Variants in PCDH15 observed in about 807,000 individuals in gnomAD.
PCDH15 encodes protocadherin-15.
In PCDH15, 129 loss-of-function variants were observed where a neutral mutation model predicts 178.5. The ratio of observed to expected loss-of-function variants is 0.72; its 90% CI spans 0.63 to 0.84. The LOEUF (loss-of-function observed/expected upper bound fraction) is 0.84, where lower values mean the gene tolerates loss of function less well. Ranked by LOEUF, PCDH15 falls within the 40% of genes least tolerant of loss-of-function variation. PCDH15 has a pLI of 0.00. For synonymous variants in PCDH15, 800 were observed against 732.0 expected, an observed-to-expected ratio of 1.09 and a Z score of -1.50; for missense variants, 2,230 against 2,099.9, an observed-to-expected ratio of 1.06 and a Z score of -1.21.
At chr10:55,066,299 T>C (rs779677295) in intron 2 of PCDH15, among the ~76,000 whole-genome samples, 1 of 151,212 alleles carries the variant, frequency 6.6e-6, no homozygotes, top group Non-Finnish European at 1.5e-5. Context: ...CTTTTTTAAA[T>C]TAATTAATTT....
chr10:54,913,391 T>C (rs1339716267), intron 2 of PCDH15, among the ~76,000 whole-genome samples: 1 of 152,158 alleles, frequency 6.6e-6, no homozygotes, highest in African/African-American at 2.4e-5. Context: ...TCCATATGTG[T>C]GCAGAGGGCA....
rs202077848 is a variant in PCDH15, at chr10:55,580,660, G to A, written c.-156+46965C>T. ...TTACAGGCATGAGCCACAGCGCCCG[G>A]CCATTACGATGGCTTTTACCTGAAA... On this transcript the variant is annotated intron_variant, in intron 2 of 5. Transcript: ENST00000613346. 7.2e-5 allele frequency among the ~76,000 whole-genome samples: 11 copies of A among 152,280 alleles called. No individual in the cohort carries two copies. The East Asian group carries it at 2.1e-3, about 29-fold the overall frequency.
At chr10:53,869,144 C>T (rs2079653288) in intron 26 of PCDH15, among the ~76,000 whole-genome samples, 2 of 152,106 alleles carry the variant, frequency 1.3e-5, no homozygotes, top group African/African-American at 2.4e-5. Flanking sequence ...CTCAAACTAC[C>T]GGCTAATCAC....
chr10:54,896,637 G>A (rs1049436902), intron 3 of PCDH15, among the ~76,000 whole-genome samples: 1 of 151,948 alleles, frequency 6.6e-6, no homozygotes. Flanking sequence ...AAAATCCAGG[G>A]CCTTGAAGAT....
chr10:55,528,768 T>C (rs1841373604), intron 2 of PCDH15, among the ~76,000 whole-genome samples: 1 of 152,056 alleles, frequency 6.6e-6, no homozygotes, highest in South Asian at 2.1e-4. Context: ...GGTCAAATAG[T>C]ATTTCTAGTT....
intron 15 of PCDH15, among the ~76,000 whole-genome samples, chr10:54,114,240 C>T (rs1367204218): frequency 6.6e-6 from 1 of 152,086 alleles, no homozygotes; most frequent in Non-Finnish European, 1.5e-5. Context: ...CTGAATCCGC[C>T]ATTTCCTAGA....
At chr10:53,988,168 C>T (rs2134738639) in intron 21 of PCDH15, among the ~76,000 whole-genome samples, 1 of 152,248 alleles carries the variant, frequency 6.6e-6, no homozygotes. Context: ...ATCTAGGGTC[C>T]TTCTCACGGA....
chr10:54,189,045 T>C lies in PCDH15; in HGVS notation c.1306-3777A>G, dbSNP rs73244894. On this transcript the variant is annotated intron_variant, in intron 11 of 37. Coordinates refer to ENST00000644397, the MANE Select transcript of PCDH15 (RefSeq NM_001384140.1). ...AAAAAATGCCATGATAAATTACCAA[T>C]GTTTGTTGTGGACTGAGAAAACATT... 0.027 allele frequency among the ~76,000 whole-genome samples: 4,176 copies of C among 152,080 alleles called. 203 individuals carry two copies. Among genetic ancestry groups the C allele is most frequent in the African/African-American group, 0.095 (3,942 of 41,548 alleles).
At chr10:54,872,075 G>T (rs1954049617) in intron 3 of PCDH15, among the ~76,000 whole-genome samples, 1 of 151,978 alleles carries the variant, frequency 6.6e-6, no homozygotes, top group Non-Finnish European at 1.5e-5. Flanking sequence ...ATTTAAGAAG[G>T]TTTGAAATAA....
chr10:54,634,754 C>T (rs2093802055), intron 2 of PCDH15, among the ~76,000 whole-genome samples: 2 of 152,006 alleles, frequency 1.3e-5, no homozygotes, highest in South Asian at 4.1e-4. Context: ...TATATTAAAA[C>T]AAGCATTTTA....
chr10:55,552,670 G>A (rs555136481), intron 2 of PCDH15, among the ~76,000 whole-genome samples: 2 of 151,332 alleles, frequency 1.3e-5, no homozygotes, highest in East Asian at 3.9e-4. Flanking sequence ...GGTTTTGAAT[G>A]CATTCTTTTA....
intron 2 of PCDH15, among the ~76,000 whole-genome samples, chr10:55,590,199 A>G (rs1291475447): frequency 6.6e-6 from 1 of 151,722 alleles, no homozygotes; most frequent in Non-Finnish European, 1.5e-5. Flanking sequence ...CATTCTCAGT[A>G]AACTATCACA....
At chr10:55,390,258 G>A (rs1296284150) in intron 2 of PCDH15, among the ~76,000 whole-genome samples, 1 of 152,168 alleles carries the variant, frequency 6.6e-6, no homozygotes, top group African/African-American at 2.4e-5. Context: ...GCAAAAAAGT[G>A]TGAATGATCA....
chr10:54,779,438 ATATATATATACACTCATATATG>A (rs1950065221), intron 1 of PCDH15, among the ~76,000 whole-genome samples: 2 of 61,944 alleles, frequency 3.2e-5, no homozygotes, highest in East Asian at 6.3e-4. Flanking sequence ...ACATATGTGT[ATATATATATACACTCATATATG>A]TGTGTATATA....
At chr10:54,247,444 C>G (rs1261860455) in intron 8 of PCDH15, among the ~76,000 whole-genome samples, 1 of 151,994 alleles carries the variant, frequency 6.6e-6, no homozygotes, top group African/African-American at 2.4e-5. Flanking sequence ...TTTTTAGGCT[C>G]ATACACACTT....
Position 55,174,948 on chromosome 10 carries a change from C to T in PCDH15, c.-155-8297G>A, listed in dbSNP as rs534171423. ...TATAGCAGCTTTCCAGAATTTAACC[C>T]AAGCATTTGAAATCTCCTGGAAGGA... is the stretch of plus-strand genomic sequence containing the variant. On this transcript the variant is annotated intron_variant, in intron 1 of 5. Coordinates refer to the PCDH15 transcript ENST00000458638. Among the ~76,000 whole-genome samples the T allele has an allele frequency of 2.0e-5, 3 of 152,164 alleles. No homozygotes were observed. The South Asian group carries it at 6.2e-4, about 32-fold the overall frequency.
In PCDH15 at chr10:53,892,020, G is replaced by GTTTT. The variant is rs869122093; in HGVS notation, c.3501+11219_3501+11222dup. 7.6e-3 allele frequency among the ~76,000 whole-genome samples: 700 copies of GTTTT among 91,856 alleles called. 32 individuals are homozygous for GTTTT. Among genetic ancestry groups the GTTTT allele is most frequent in the African/African-American group, 0.027 (634 of 23,334 alleles). The allele number at this position is 91,856 out of a possible 152,430, so 60.3% of individuals were successfully genotyped here. A position where few individuals can be genotyped will look rare whatever the true frequency, so the allele number is the denominator to read the frequency against. ...GTTATCAGAGCAGCTTTACATCTAT[G>GTTTT]TTTTTTTTTTTTTTTTTTTTTTTTC... On this transcript the variant is annotated intron_variant, in intron 26 of 37. Coordinates refer to ENST00000644397, the MANE Select transcript of PCDH15 (RefSeq NM_001384140.1).
At chr10:53,947,844 C>A (rs1564836698) in intron 23 of PCDH15, among the ~76,000 whole-genome samples, 1 of 152,084 alleles carries the variant, frequency 6.6e-6, no homozygotes, top group Admixed American at 6.5e-5. Context: ...CTGGAGGATA[C>A]AAAAACTGAA....
chr10:54,929,618 C>T (rs968885585), intron 2 of PCDH15, among the ~76,000 whole-genome samples: 1 of 152,146 alleles, frequency 6.6e-6, no homozygotes, highest in Admixed American at 6.6e-5. Flanking sequence ...ATTTGGTAAG[C>T]AGACATGTGT....
Sources: allele counts gnomAD v4.1 joint callset (sites outside exome capture counted in the v4.1 genomes callset), GRCh38; gene constraint gnomAD v4.1.1; transcripts MANE v1.5; gene names NCBI Gene and HGNC (gene_info 2026-07-23, HGNC 2026-07-21).